Variants in KPNA4 observed in about 807,000 individuals in gnomAD.
KPNA4 encodes the protein importin subunit alpha-3.
In KPNA4, 13 loss-of-function variants were observed where a neutral mutation model predicts 71.3. The observed-to-expected ratio is 0.18, with a 90% CI of 0.12 to 0.29. The LOEUF is 0.29. Ranked by LOEUF, KPNA4 falls within the 10% of genes least tolerant of loss-of-function variation. The probability of loss-of-function intolerance (pLI) is 1.00; values close to 1 mark genes in which losing one functional copy is unlikely to be tolerated. For missense variants in KPNA4, 334 were observed against 603.2 expected (o/e 0.55, Z 4.67); for synonymous variants, 189 against 195.2 (o/e 0.97, Z 0.26).
intron 1 of KPNA4, among the ~76,000 whole-genome samples, chr3:160,540,085 C>A (rs1214678825): frequency 6.6e-6 from 1 of 150,758 alleles, no homozygotes; most frequent in Non-Finnish European, 1.5e-5. Context: ...CTGCAACCTC[C>A]GCCTCCTGGG....
At position 160,536,367 on chromosome 3, in the gene KPNA4, T is replaced by TA. The variant is rs1047169975; in HGVS notation, c.114+428dup. Among the ~76,000 whole-genome samples, 62 of 152,274 alleles carry TA rather than the reference T, an allele frequency of 4.1e-4. 1 individual carries two copies. Among genetic ancestry groups the TA allele is most frequent in the Non-Finnish European group, 1.3e-4 (9 of 67,982 alleles). Reference sequence around the variant, plus strand: ...AATCAAGGGCCATTTCAACTTCACTTAAAATGCTTGGAGCAAATTTATAAA... The same window carrying TA: ...AATCAAGGGCCATTTCAACTTCACTTAAAAATGCTTGGAGCAAATTTATAAA... On this transcript the variant is annotated intron_variant, in intron 2 of 16. Transcript: ENST00000334256.
chr3:160,508,464 A>G (rs1484389228), intron 14 of KPNA4, among the ~76,000 whole-genome samples, 195 bp from the exon 15 acceptor site: 1 of 152,182 alleles, frequency 6.6e-6, no homozygotes, highest in Non-Finnish European at 1.5e-5. Context: ...CGAACTTAGA[A>G]AAAAACAACG....
In KPNA4 at chr3:160,502,211, A is replaced by C; in HGVS notation, c.1468-9T>G. ...CTAGGGTCTTCATCAATCTAGGTGA[A>C]AAAAAAGAAAAAGAATGTGATAATT... On this transcript the variant is annotated splice_polypyrimidine_tract_variant and intron_variant, in intron 16 of 16. Coordinates refer to ENST00000334256, the MANE Select transcript of KPNA4 (RefSeq NM_002268.5). The C allele has an allele frequency of 6.9e-7, 1 of 1,444,346 alleles. No individual in the cohort carries two copies. Among genetic ancestry groups the C allele is most frequent in the East Asian group, 2.3e-5 (1 of 43,290 alleles). 89.5% of individuals were successfully genotyped at this position (1,444,346 alleles called of 1,614,324 possible). A position where few individuals can be genotyped will look rare whatever the true frequency, so the allele number is the denominator to read the frequency against.
rs551533718 is a variant in KPNA4 at position 160,538,147 on chromosome 3, A to ATG, written c.70-1308_70-1307insCA. 3.1e-3 allele frequency among the ~76,000 whole-genome samples: 471 copies of ATG among 149,926 alleles called. 1 individual carries two copies. Among genetic ancestry groups the ATG allele is most frequent in the African/African-American group, 0.011 (452 of 41,076 alleles). On this transcript the variant is annotated intron_variant, in intron 1 of 16. Transcript: ENST00000334256. Reference sequence around the variant, plus strand: ...TGTATATATATGTATGTATATATGTATATATATGTATATATGTGTGTATAT... The same window carrying ATG: ...TGTATATATATGTATGTATATATGTATGTATATATGTATATATGTGTGTATAT...
At chr3:160,516,444 A>C (rs1011399528) in intron 11 of KPNA4, among the ~76,000 whole-genome samples, 1 of 149,732 alleles carries the variant, frequency 6.7e-6, no homozygotes, top group African/African-American at 2.5e-5. Flanking sequence ...TAGTGCCATA[A>C]AAAAAAAAAA....
intron 16 of KPNA4, among the ~76,000 whole-genome samples, chr3:160,503,510 T>C (rs1477222944): frequency 6.6e-6 from 1 of 152,206 alleles, no homozygotes; most frequent in Non-Finnish European, 1.5e-5. Flanking sequence ...CCACCTATAA[T>C]AGTTCTGCTA....
At position 160,500,928 on chromosome 3, in the gene KPNA4, T is replaced by C. The variant is rs1720864904; in HGVS notation, c.*1176A>G. The C allele has an allele frequency of 6.6e-6, 1 of 152,574 alleles. No individual in the cohort carries two copies. Among genetic ancestry groups the C allele is most frequent in the South Asian group, 2.1e-4 (1 of 4,828 alleles). The allele number at this position is 152,574 out of a possible 1,614,324, so 9.5% of individuals were successfully genotyped here. A position where few individuals can be genotyped will look rare whatever the true frequency, so the allele number is the denominator to read the frequency against. ...GTATTCTACCACAACTGAAACTTTT[T>C]TCTTCTTCTTCTTTACAGGACTCAA... On this transcript the variant is annotated 3_prime_UTR_variant, in exon 17 of 17. Transcript: ENST00000334256.
chr3:160,512,523 A>G (rs187525161), intron 13 of KPNA4, among the ~76,000 whole-genome samples: 124 of 152,374 alleles, frequency 8.1e-4, no homozygotes, highest in African/African-American at 3.0e-3. Context: ...TATCTTGCCT[A>G]TCCTAAATGA....
At chr3:160,535,437 A>C (rs1431672600) in intron 5 of KPNA4, 76 bp downstream of exon 5, 1 of 952,976 alleles carries the variant, frequency 1.0e-6, no homozygotes, top group Non-Finnish European at 1.6e-6. Context: ...AACAGGGACT[A>C]CTCAATAGTA....
At position 160,526,028 on chromosome 3, in the gene KPNA4, A is replaced by T. The variant is rs148483539; in HGVS notation, c.636T>A (p.Ile212=). Reference sequence around the variant, plus strand: ...TAACATTTCTTAAGAATGTTATAGGAATAGATGGACTTATGAAGGAAAGTA... The same window carrying T: ...TAACATTTCTTAAGAATGTTATAGGTATAGATGGACTTATGAAGGAAAGTA... ...KPLLSFISPS[I]PITFLRNVTW... is the part of the protein sequence containing the mutation. Residue 212 remains isoleucine, a synonymous_variant, in exon 9 of 17, where the codon ATT becomes ATA. Transcript: ENST00000334256. 8 of 1,602,780 alleles carry T rather than the reference A, an allele frequency of 5.0e-6. No homozygotes were observed. In the African/African-American group the frequency reaches 9.4e-5, roughly 19 times the overall value.
Position 160,495,789 on chromosome 3 carries a change from G to C in KPNA4, c.*6315C>G, listed in dbSNP as rs139340464. The C allele has an allele frequency of 2.4e-3, 362 of 151,602 alleles. 4 individuals carry two copies. Among genetic ancestry groups the C allele is most frequent in the African/African-American group, 8.4e-3 (347 of 41,318 alleles). 9.4% of individuals were successfully genotyped at this position (151,602 alleles called of 1,614,324 possible). A position where few individuals can be genotyped will look rare whatever the true frequency, so the allele number is the denominator to read the frequency against. On this transcript the variant is annotated 3_prime_UTR_variant, in exon 17 of 17. Transcript: ENST00000334256. ...TGTAAGTGAAGGTAGGAAATACCTA[G>C]AATACATGATGTTTTATGCAGCTGA... is the stretch of plus-strand genomic sequence containing the variant.
intron 7 of KPNA4, among the ~76,000 whole-genome samples, chr3:160,530,487 AAAC>A (rs1334289318): frequency 3.9e-5 from 6 of 152,254 alleles, no homozygotes; most frequent in African/African-American, 9.6e-5. Flanking sequence ...TGAGAAAGAA[AAAC>A]AACAACAACA....
At position 160,500,552 on chromosome 3, in the gene KPNA4, A is replaced by G. The variant is rs1720857892; in HGVS notation, c.*1552T>C. 1 of 152,636 alleles carries G rather than the reference A, an allele frequency of 6.6e-6. No individual in the cohort carries two copies. Among genetic ancestry groups the G allele is most frequent in the African/African-American group, 2.4e-5 (1 of 41,454 alleles). The allele number at this position is 152,636 out of a possible 1,614,324, so 9.5% of individuals were successfully genotyped here. A position where few individuals can be genotyped will look rare whatever the true frequency, so the allele number is the denominator to read the frequency against. On this transcript the variant is annotated 3_prime_UTR_variant, in exon 17 of 17. Coordinates refer to ENST00000334256, the MANE Select transcript of KPNA4 (RefSeq NM_002268.5). ...CTTTTTGTACAAATTAATTTATGTC[A>G]CATTTAATTTAGTGTGCATAACCTC...
At chr3:160,552,617 G>A (rs991613507) in intron 1 of KPNA4, among the ~76,000 whole-genome samples, 6 of 152,110 alleles carry the variant, frequency 3.9e-5, no homozygotes, top group African/African-American at 1.4e-4. Context: ...AAAACAGGGG[G>A]GTTTAACTTG....
chr3:160,553,985 A>G (rs796381493), intron 1 of KPNA4, among the ~76,000 whole-genome samples: 11 of 152,252 alleles, frequency 7.2e-5, no homozygotes, highest in South Asian at 4.1e-4. Flanking sequence ...TGTAAACTTC[A>G]TAAGAATAGG....
intron 11 of KPNA4, among the ~76,000 whole-genome samples, chr3:160,518,626 G>A (rs901895514): frequency 2.0e-5 from 3 of 151,442 alleles, no homozygotes; most frequent in Non-Finnish European, 4.4e-5. Context: ...TTGGGAGGCC[G>A]AGGCGGGTGG....
chr3:160,507,513 A>G (rs920670518), intron 15 of KPNA4, among the ~76,000 whole-genome samples: 2 of 151,502 alleles, frequency 1.3e-5, no homozygotes, highest in African/African-American at 2.4e-5. Flanking sequence ...AAAAAAAAAA[A>G]AAAAAAAAAG....
intron 12 of KPNA4, chr3:160,514,811 G>A: frequency 2.5e-6 from 1 of 394,788 alleles, no homozygotes; most frequent in Non-Finnish European, 5.0e-6. Flanking sequence ...TGCTACTTTT[G>A]ACAAAATAAT....
chr3:160,515,739 A>C (rs959314231), intron 11 of KPNA4, among the ~76,000 whole-genome samples, 159 bp from the exon 12 acceptor site: 14 of 150,980 alleles, frequency 9.3e-5, no homozygotes, highest in Admixed American at 8.6e-4. Flanking sequence ...CCCAGCCTCC[A>C]GAGTATCTGG....
Sources: gnomAD v4.1 joint callset for allele counts (sites outside exome capture counted in the v4.1 genomes callset) on GRCh38, gnomAD v4.1.1 for gene constraint, MANE v1.5 for transcripts, NCBI Gene and HGNC (gene_info 2026-07-23, HGNC 2026-07-21) for gene names.